Variants in PTPRQ observed in about 807,000 individuals in gnomAD.
The protein encoded by PTPRQ is protein tyrosine phosphatase receptor type Q.
PTPRQ carries 199 observed loss-of-function variants against 246.0 expected under a neutral mutation model. The ratio of observed to expected loss-of-function variants is 0.81; its 90% CI spans 0.72 to 0.91. The LOEUF (loss-of-function observed/expected upper bound fraction) is 0.91, where lower values mean the gene tolerates loss of function less well. Among genes scored for constraint, PTPRQ ranks in the 40% least tolerant of loss-of-function variants. PTPRQ has a pLI of 0.00. For missense variants in PTPRQ, 2,624 were observed against 2,528.4 expected (o/e 1.04, Z -0.81); for synonymous variants, 869 against 853.2 (o/e 1.02, Z -0.32).
At position 80,506,617 on chromosome 12, in the gene PTPRQ, T is replaced by C. The variant is rs778849557; in HGVS notation, c.2504T>C (p.Leu835Pro). Reference sequence around the variant, plus strand: ...ATCATTGAGGTGTCTGCTAGTACACTCAAAGGTGAAGGAGTTCGGAGTGCT... The same window carrying C: ...ATCATTGAGGTGTCTGCTAGTACACCCAAAGGTGAAGGAGTTCGGAGTGCT... ...QYIIEVSAST[L>P]KGEGVRSAPI... The change falls in exon 16 of 45, where the codon CTC (leucine) becomes CCC (proline). Residue 835 changes from leucine to proline, a missense_variant. By Grantham distance (98) the Leu-to-Pro change is moderately conservative. Coordinates refer to ENST00000644991, the MANE Select transcript of PTPRQ (RefSeq NM_001145026.2). 9.7e-6 allele frequency: 15 copies of C among 1,543,778 alleles called. 1 individual carries two copies. The South Asian group carries it at 1.7e-4, about 17-fold the overall frequency.
chr12:80,513,622 G>C (rs1319420032), intron 17 of PTPRQ, among the ~76,000 whole-genome samples: 1 of 152,058 alleles, frequency 6.6e-6, no homozygotes, highest in Non-Finnish European at 1.5e-5. Context: ...AAACAAGCCC[G>C]GGTGTGGGGC....
Position 80,472,236 on chromosome 12 carries a change from T to C in PTPRQ, c.1171T>C (p.Phe391Leu). The change falls in exon 8 of 45, where the codon TTC becomes CTC. Residue 391 changes from phenylalanine to leucine, a missense_variant. Transcript: ENST00000644991. ...TGGGCCCAAGTCAAATATTTCAGTA[T>C]TCACTCCACCAGATGGTAAGAACAT... ...GTGPKSNISV[F>L]TPPDVPGAVF... 1.3e-6 allele frequency: 2 copies of C among 1,551,506 alleles called. No homozygotes were observed. Among genetic ancestry groups the C allele is most frequent in the Non-Finnish European group, 1.7e-6 (2 of 1,146,904 alleles).
chr12:80,668,889 C>T lies in PTPRQ; in HGVS notation c.6193-118C>T, dbSNP rs746239223. On this transcript the variant is annotated intron_variant, in intron 39 of 44. Coordinates refer to ENST00000644991, the MANE Select transcript of PTPRQ (RefSeq NM_001145026.2). Reference sequence around the variant, plus strand: ...AGTATTTAAGATTATCTAGTATTTACGGTATTCTAAAATATTAGGTAATTT... The same window carrying T: ...AGTATTTAAGATTATCTAGTATTTATGGTATTCTAAAATATTAGGTAATTT... 346 of 1,292,826 alleles carry T rather than the reference C, an allele frequency of 2.7e-4. 1 individual carries two copies. The highest frequency in any genetic ancestry group is 3.7e-4 in the Admixed American group (11 of 29,566). The allele number at this position is 1,292,826 out of a possible 1,614,324, so 80.1% of individuals were successfully genotyped here.
At chr12:80,560,847 A>G (rs1371631393) in intron 25 of PTPRQ, among the ~76,000 whole-genome samples, 3 of 152,242 alleles carry the variant, frequency 2.0e-5, no homozygotes, top group Non-Finnish European at 2.9e-5. Flanking sequence ...TGATAACCAA[A>G]AAGTTTTAAG....
intron 26 of PTPRQ, among the ~76,000 whole-genome samples, chr12:80,591,600 G>T (rs1420620078): frequency 6.6e-6 from 1 of 152,096 alleles, no homozygotes; most frequent in Non-Finnish European, 1.5e-5. Flanking sequence ...CAAAAATATA[G>T]AAAAAATTCA....
At chr12:80,675,451 T>C (rs1478293448) in intron 43 of PTPRQ, among the ~76,000 whole-genome samples, 2 of 152,268 alleles carry the variant, frequency 1.3e-5, no homozygotes, top group Middle Eastern at 3.4e-3. Flanking sequence ...CAAAGATAAA[T>C]GAAAAGCTAA....
At chr12:80,635,188 A>T (rs1899599204) in intron 35 of PTPRQ, 115 bp downstream of exon 35, 1 of 1,410,276 alleles carries the variant, frequency 7.1e-7, no homozygotes, top group Non-Finnish European at 9.2e-7. Context: ...GGTCACAGAG[A>T]TCTTCTTTCA....
intron 25 of PTPRQ, chr12:80,583,618 T>G (rs1897516841): frequency 6.6e-6 from 1 of 152,212 alleles, no homozygotes; most frequent in South Asian, 2.1e-4. Context: ...TAAGTAGTGA[T>G]TGCTCATTTT....
chr12:80,676,653 A>ACAAAAC (rs1002748643), intron 43 of PTPRQ, among the ~76,000 whole-genome samples: 2 of 152,092 alleles, frequency 1.3e-5, no homozygotes, highest in Non-Finnish European at 2.9e-5. Context: ...AACAACAACA[A>ACAAAAC]CAACAAAACC....
chr12:80,460,277 A>C (rs1277675203), intron 5 of PTPRQ, among the ~76,000 whole-genome samples: 1 of 152,206 alleles, frequency 6.6e-6, no homozygotes, highest in Non-Finnish European at 1.5e-5. Context: ...ATGAGAAAAA[A>C]AAGTTCATTA....
intron 33 of PTPRQ, among the ~76,000 whole-genome samples, chr12:80,631,891 T>C (rs1899450347): frequency 6.6e-6 from 1 of 152,156 alleles, no homozygotes; most frequent in South Asian, 2.1e-4. Flanking sequence ...CAGTTAGATA[T>C]ATAAGTCTGA....
intron 39 of PTPRQ, among the ~76,000 whole-genome samples, chr12:80,667,204 G>A (rs1386297331): frequency 2.0e-5 from 3 of 151,802 alleles, no homozygotes; most frequent in Non-Finnish European, 4.4e-5. Flanking sequence ...CTTTAAGGTC[G>A]TTGGACTTGA....
intron 17 of PTPRQ, among the ~76,000 whole-genome samples, chr12:80,518,296 C>G (rs1219994364): frequency 6.6e-6 from 1 of 152,128 alleles, no homozygotes; most frequent in Non-Finnish European, 1.5e-5. Flanking sequence ...TGAGAAATGT[C>G]TATTCAAATA....
intron 43 of PTPRQ, among the ~76,000 whole-genome samples, chr12:80,674,023 G>C (rs954834844): frequency 6.6e-6 from 1 of 151,832 alleles, no homozygotes; most frequent in Non-Finnish European, 1.5e-5. Context: ...AAATATTACT[G>C]GCTCTGCTTT....
At chr12:80,545,186 G>A (rs375405444) in intron 23 of PTPRQ, among the ~76,000 whole-genome samples, 58 of 152,024 alleles carry the variant, frequency 3.8e-4, no homozygotes, top group African/African-American at 1.3e-3. Flanking sequence ...GATTTCTCTA[G>A]TTAATATAAA....
At chr12:80,514,725 T>A (rs564527962) in intron 17 of PTPRQ, among the ~76,000 whole-genome samples, 1 of 145,942 alleles carries the variant, frequency 6.9e-6, no homozygotes, top group South Asian at 2.1e-4. Flanking sequence ...GTATATATTA[T>A]ATATGATTAT....
intron 27 of PTPRQ, among the ~76,000 whole-genome samples, chr12:80,609,869 T>C (rs1187870154): frequency 6.6e-6 from 1 of 150,696 alleles, no homozygotes; most frequent in Non-Finnish European, 1.5e-5. Context: ...TCTATCAGTC[T>C]TATCTTCTGA....
Position 80,496,280 on chromosome 12 carries a change from T to G in PTPRQ, c.2021T>G (p.Val674Gly), listed in dbSNP as rs1894618311. The G allele has an allele frequency of 1.3e-6, 2 of 1,550,628 alleles. No individual in the cohort carries two copies. Among genetic ancestry groups the G allele is most frequent in the Non-Finnish European group, 1.7e-6 (2 of 1,146,426 alleles). ...EPESSPQDVEVIDVTADEIRL... is the reference protein window; with the variant it reads ...EPESSPQDVEGIDVTADEIRL... ...GAATCATCACCTCAAGATGTCGAAG[T>G]AATTGATGTTACCGCAGATGAAATA... is the stretch of plus-strand genomic sequence containing the variant. The change falls in exon 14 of 45, where the codon GTA becomes GGA. Residue 674 changes from valine to glycine, a missense_variant. Val to Gly is a moderately radical substitution (Grantham distance 109). Transcript: ENST00000644991.
intron 8 of PTPRQ, among the ~76,000 whole-genome samples, chr12:80,472,577 T>G (rs1893674730): frequency 6.6e-6 from 1 of 152,172 alleles, no homozygotes; most frequent in Non-Finnish European, 1.5e-5. Flanking sequence ...AACTACATTT[T>G]TAAATGTGGA....
Sources: gnomAD v4.1 joint callset for allele counts (sites outside exome capture counted in the v4.1 genomes callset) on GRCh38, gnomAD v4.1.1 for gene constraint, MANE v1.5 for transcripts, NCBI Gene and HGNC (gene_info 2026-07-23, HGNC 2026-07-21) for gene names.